Variants in ROBO2 observed in about 807,000 individuals in gnomAD.
ROBO2 encodes the protein roundabout guidance receptor 2.
In ROBO2, 53 loss-of-function variants were observed where a neutral mutation model predicts 160.8. The observed-to-expected ratio is 0.33, with a 90% CI of 0.26 to 0.41. The LOEUF (loss-of-function observed/expected upper bound fraction) is 0.41, where lower values mean the gene tolerates loss of function less well. ROBO2 is among the 10% of genes least tolerant of loss of function. The pLI is 1.00. For synonymous variants in ROBO2, 664 were observed against 611.7 expected, an observed-to-expected ratio of 1.09 and a Z score of -1.26; for missense variants, 1,577 against 1,722.4, an observed-to-expected ratio of 0.92 and a Z score of 1.49.
intron 2 of ROBO2, among the ~76,000 whole-genome samples, chr3:77,113,343 T>A (rs2073864182): frequency 6.6e-6 from 1 of 152,230 alleles, no homozygotes; most frequent in Non-Finnish European, 1.5e-5. Context: ...AAGCAGCTTC[T>A]CTCAAAAGCC....
intron 2 of ROBO2, among the ~76,000 whole-genome samples, chr3:76,477,153 A>T (rs1490034183): frequency 2.0e-5 from 3 of 152,190 alleles, no homozygotes; most frequent in African/African-American, 7.2e-5. Flanking sequence ...TTGTAAAATT[A>T]GTTCTCAGTA....
chr3:76,188,323 C>T (rs773637418), intron 2 of ROBO2, among the ~76,000 whole-genome samples: 13 of 151,922 alleles, frequency 8.6e-5, no homozygotes, highest in Non-Finnish European at 1.8e-4. Context: ...GAAATTTGAA[C>T]ACAGAGACAG....
chr3:77,311,887 G>A (rs967980379), intron 2 of ROBO2, among the ~76,000 whole-genome samples: 1 of 152,104 alleles, frequency 6.6e-6, no homozygotes, highest in African/African-American at 2.4e-5. Context: ...AGGAGTTGGA[G>A]ACTAGACAGA....
chr3:77,626,284 CTT>C (rs1315376809), intron 23 of ROBO2, among the ~76,000 whole-genome samples: 1 of 152,054 alleles, frequency 6.6e-6, no homozygotes, highest in Admixed American at 6.5e-5. Flanking sequence ...TTAGATGTGA[CTT>C]TTGTGATTCA....
intron 1 of ROBO2, among the ~76,000 whole-genome samples, chr3:77,088,654 C>G (rs1177704274): frequency 6.6e-6 from 1 of 152,108 alleles, no homozygotes; most frequent in African/African-American, 2.4e-5. Context: ...TAGAGCAATG[C>G]ATTTACTGAC....
chr3:76,797,290 G>A (rs1204516886), intron 2 of ROBO2, among the ~76,000 whole-genome samples: 1 of 151,910 alleles, frequency 6.6e-6, no homozygotes, highest in Non-Finnish European at 1.5e-5. Context: ...TCAATAACAA[G>A]AAGAAACTAC....
intron 2 of ROBO2, among the ~76,000 whole-genome samples, chr3:76,051,072 G>A (rs896221324): frequency 1.3e-5 from 2 of 151,764 alleles, no homozygotes; most frequent in Non-Finnish European, 2.9e-5. Flanking sequence ...TTTTTCTCCA[G>A]ATGAATCTTA....
intron 2 of ROBO2, among the ~76,000 whole-genome samples, chr3:75,953,367 A>C (rs931355278): frequency 6.6e-6 from 1 of 151,802 alleles, no homozygotes; most frequent in Non-Finnish European, 1.5e-5. Context: ...ATGACTAGTA[A>C]CTTCAATATC....
chr3:76,222,603 A>G (rs1317799202), intron 2 of ROBO2, among the ~76,000 whole-genome samples: 1 of 152,058 alleles, frequency 6.6e-6, no homozygotes, highest in Non-Finnish European at 1.5e-5. Context: ...GACAGTTAAC[A>G]ACCATCTGAC....
chr3:76,688,246 C>T (rs916756561), intron 2 of ROBO2, among the ~76,000 whole-genome samples: 1 of 151,768 alleles, frequency 6.6e-6, no homozygotes, highest in Non-Finnish European at 1.5e-5. Flanking sequence ...CTTCAGAAAA[C>T]CGCAAAATGA....
chr3:76,805,778 G>T (rs949502323), intron 2 of ROBO2, among the ~76,000 whole-genome samples: 4 of 151,446 alleles, frequency 2.6e-5, no homozygotes, highest in Non-Finnish European at 5.9e-5. Flanking sequence ...CCTAAAATTT[G>T]GCCTCATAGG....
At chr3:76,870,966 T>C (rs185694604) in intron 2 of ROBO2, among the ~76,000 whole-genome samples, 13 of 152,314 alleles carry the variant, frequency 8.5e-5, no homozygotes, top group Admixed American at 8.5e-4. Flanking sequence ...CATTTTTATA[T>C]AACAGATTTA....
intron 2 of ROBO2, among the ~76,000 whole-genome samples, chr3:77,034,376 G>GT (rs1432421901): frequency 3.6e-5 from 4 of 111,490 alleles, no homozygotes; most frequent in African/African-American, 1.5e-4. Context: ...AGTATTCTTT[G>GT]TTAAAAAAAA....
intron 2 of ROBO2, among the ~76,000 whole-genome samples, chr3:76,403,387 T>C (rs2077955922): frequency 1.3e-5 from 2 of 151,666 alleles, no homozygotes; most frequent in South Asian, 4.1e-4. Flanking sequence ...TTAAATAATC[T>C]ATTTTTAAAA....
rs2074972820 is a variant in ROBO2, at chr3:76,898,394, G to C, written c.110-199620G>C. Among the ~76,000 whole-genome samples the C allele has an allele frequency of 1.3e-5, 2 of 151,918 alleles. 1 individual carries two copies. The highest frequency in any genetic ancestry group is 4.1e-4 in the South Asian group (2 of 4,824). ...TGAGTATTAATTTACCTTTTTAAAA[G>C]ACTTACTCTTAAGATGGCACATATA... On this transcript the variant is annotated intron_variant, in intron 2 of 26. Transcript: ENST00000487694.
At chr3:76,749,849 G>A (rs2108205160) in intron 2 of ROBO2, among the ~76,000 whole-genome samples, 1 of 152,176 alleles carries the variant, frequency 6.6e-6, no homozygotes, top group African/African-American at 2.4e-5. Flanking sequence ...TGGATTCACA[G>A]CTGAATTCTA....
intron 1 of ROBO2, among the ~76,000 whole-genome samples, chr3:77,043,003 C>T (rs2064249950): frequency 6.6e-6 from 1 of 152,204 alleles, no homozygotes; most frequent in African/African-American, 2.4e-5. Flanking sequence ...CCTGGACACT[C>T]TTACTAAATT....
chr3:77,052,462 A>T (rs1260006000), intron 1 of ROBO2, among the ~76,000 whole-genome samples: 1 of 152,142 alleles, frequency 6.6e-6, no homozygotes, highest in Non-Finnish European at 1.5e-5. Flanking sequence ...TTTGAGATCG[A>T]GTGATTAATA....
intron 2 of ROBO2, among the ~76,000 whole-genome samples, chr3:77,294,799 T>G (rs1365911274): frequency 6.6e-6 from 1 of 150,688 alleles, no homozygotes; most frequent in East Asian, 2.0e-4. Flanking sequence ...ACGGGTAAGC[T>G]GAGGCTAGAT....
Sources: gnomAD v4.1 joint callset for allele counts (sites outside exome capture counted in the v4.1 genomes callset) on GRCh38, gnomAD v4.1.1 for gene constraint, MANE v1.5 for transcripts, NCBI Gene and HGNC (gene_info 2026-07-23, HGNC 2026-07-21) for gene names.